The following OLFM2 variants were observed in gnomAD, a reference collection of about 807,000 sequenced individuals.
OLFM2 encodes olfactomedin 2, also known as noelin-2.
In OLFM2, 20 loss-of-function variants were observed where a neutral mutation model predicts 43.9. That is an observed-to-expected ratio of 0.46 (90% CI 0.32 to 0.66). The LOEUF (loss-of-function observed/expected upper bound fraction) is 0.66, where lower values mean the gene tolerates loss of function less well. Among genes scored for constraint, OLFM2 ranks in the 30% least tolerant of loss-of-function variants. The pLI, the probability that OLFM2 is intolerant of heterozygous loss-of-function variation, is 0.04. For synonymous variants in OLFM2, 268 were observed against 278.6 expected (o/e 0.96, Z 0.38); for missense variants, 416 against 643.6 (o/e 0.65, Z 3.83).
intron 1 of OLFM2, among the ~76,000 whole-genome samples, chr19:9,919,425 C>T (rs1193163951): frequency 2.0e-5 from 3 of 151,936 alleles, no homozygotes; most frequent in Non-Finnish European, 1.5e-5. Flanking sequence ...CTCGGCCTCC[C>T]AAAGTGCTGG....
intron 1 of OLFM2, chr19:9,913,404 C>G (rs942846775): frequency 2.3e-6 from 2 of 878,388 alleles, no homozygotes; most frequent in African/African-American, 3.6e-5. Flanking sequence ...GTGGGGGCCC[C>G]GGGGGCTGCG....
At position 9,885,805 on chromosome 19, in the gene OLFM2, A is replaced by G. The variant is rs570582374; in HGVS notation, c.64-25011T>C. Among the ~76,000 whole-genome samples, 536 of 152,120 alleles carry G rather than the reference A, an allele frequency of 3.5e-3. 1 individual carries two copies. The highest frequency in any genetic ancestry group is 0.012 in the African/African-American group (518 of 41,496). Reference sequence around the variant, plus strand: ...CTCACCCCTGCCCTGACTTTCAATTATGTGCTCCACAGTCAGGCACGGTGG... The same window carrying G: ...CTCACCCCTGCCCTGACTTTCAATTGTGTGCTCCACAGTCAGGCACGGTGG... On this transcript the variant is annotated intron_variant, in intron 1 of 5. Coordinates refer to ENST00000264833, the MANE Select transcript of OLFM2 (RefSeq NM_058164.4).
At chr19:9,860,930 G>T in intron 1 of OLFM2, 136 bp from the exon 2 acceptor site, 1 of 857,930 alleles carries the variant, frequency 1.2e-6, no homozygotes, top group Non-Finnish European at 1.7e-6. Context: ...CCTGTTGTGT[G>T]TGATCTCAGG....
At position 9,857,668 on chromosome 19, in the gene OLFM2, A is replaced by T. The variant is rs2046332511; in HGVS notation, c.360+47T>A. 6.2e-7 allele frequency: 1 copy of T among 1,613,570 alleles called. No individual in the cohort carries two copies. The highest frequency in any genetic ancestry group is 1.7e-5 in the Admixed American group (1 of 60,008). On this transcript the variant is annotated intron_variant, in intron 3 of 5. Transcript: ENST00000264833. This position sits in a 1 kb window ranked among gnomAD's most constrained non-coding sequence, Gnocchi z 5.7. Reference sequence around the variant, plus strand: ...CATTGTAGGAACTAATGGATACCAAATCCCAGTCATTTGTTTGACCTCTGG... The same window carrying T: ...CATTGTAGGAACTAATGGATACCAATTCCCAGTCATTTGTTTGACCTCTGG...
chr19:9,905,759 T>G (rs1042584457), intron 1 of OLFM2, among the ~76,000 whole-genome samples: 3 of 152,128 alleles, frequency 2.0e-5, no homozygotes, highest in Non-Finnish European at 4.4e-5. Flanking sequence ...CAGGAGCCCC[T>G]GCCAAAAACC....
Position 9,854,278 on chromosome 19 carries a change from G to T in OLFM2, c.1273C>A (p.Arg425=), listed in dbSNP as rs1208468755. The change falls in exon 6 of 6, where the codon CGG becomes AGG. Residue 425 remains arginine (R), a synonymous_variant. Transcript: ENST00000264833. This position sits in a 1 kb window ranked among gnomAD's most constrained non-coding sequence, Gnocchi z 9.5. ...SHISMLDYNP[R]ERALYTWNNG... is the part of the protein sequence containing the mutation. Reference sequence around the variant, plus strand: ...TTCCAGGTATAGAGGGCGCGCTCCCGGGGGTTGTAATCCAGCATCGAGATG... The same window carrying T: ...TTCCAGGTATAGAGGGCGCGCTCCCTGGGGTTGTAATCCAGCATCGAGATG... The T allele has an allele frequency of 1.9e-6, 3 of 1,613,950 alleles. No individual in the cohort carries two copies. Among genetic ancestry groups the T allele is most frequent in the African/African-American group, 1.3e-5 (1 of 74,916 alleles).
intron 1 of OLFM2, among the ~76,000 whole-genome samples, chr19:9,874,901 A>C (rs1276266921): frequency 6.6e-6 from 1 of 152,218 alleles, no homozygotes; most frequent in Non-Finnish European, 1.5e-5. Flanking sequence ...GGCATGAGAC[A>C]CTGCACCCGT....
At chr19:9,919,718 G>C (rs546895222) in intron 1 of OLFM2, among the ~76,000 whole-genome samples, 33 of 150,816 alleles carry the variant, frequency 2.2e-4, no homozygotes, top group African/African-American at 8.1e-4. Context: ...CTGACCTCAG[G>C]TGATCCTCCT....
chr19:9,895,315 C>T (rs1055673984), intron 1 of OLFM2, among the ~76,000 whole-genome samples: 5 of 151,878 alleles, frequency 3.3e-5, no homozygotes, highest in Non-Finnish European at 7.4e-5. Context: ...TACTAGGACC[C>T]TAACTGTACC....
At chr19:9,871,269 T>TAA (rs34413780) in intron 1 of OLFM2, among the ~76,000 whole-genome samples, 44 of 144,920 alleles carry the variant, frequency 3.0e-4, no homozygotes, top group East Asian at 2.9e-3. Flanking sequence ...AGATCCTGTC[T>TAA]AAAAAAAAAA....
At chr19:9,933,388 C>T (rs2086495732) in intron 1 of OLFM2, among the ~76,000 whole-genome samples, 1 of 151,600 alleles carries the variant, frequency 6.6e-6, no homozygotes, top group Admixed American at 6.6e-5. Context: ...AGGTGTGCAA[C>T]ACCACACCTG....
chr19:9,864,053 G>T (rs752932653), intron 1 of OLFM2, among the ~76,000 whole-genome samples: 5 of 152,226 alleles, frequency 3.3e-5, no homozygotes, highest in Non-Finnish European at 7.3e-5. Context: ...ATTGGCCACA[G>T]CCAAGAGCTT....
At chr19:9,894,897 T>A (rs1051303116) in intron 1 of OLFM2, among the ~76,000 whole-genome samples, 4 of 152,056 alleles carry the variant, frequency 2.6e-5, no homozygotes, top group Admixed American at 2.6e-4. Flanking sequence ...ATATTCATCA[T>A]CTGACTCCTT....
Position 9,931,722 on chromosome 19 carries a change from A to T in OLFM2, c.63+4582T>A, listed in dbSNP as rs78356581. Among the ~76,000 whole-genome samples the T allele has an allele frequency of 2.8e-4, 43 of 151,676 alleles. No homozygotes were observed. The South Asian group carries it at 3.1e-3, about 11-fold the overall frequency. ...AGACTCCATCTCAAAAATAAAAAAA[A>T]AAAAAGAAATAAAAAGAAAAAGTTA... is the stretch of plus-strand genomic sequence containing the variant. On this transcript the variant is annotated intron_variant, in intron 1 of 5. Transcript: ENST00000264833.
At chr19:9,901,120 A>G (rs894162122) in intron 1 of OLFM2, among the ~76,000 whole-genome samples, 3 of 147,988 alleles carry the variant, frequency 2.0e-5, no homozygotes, top group African/African-American at 5.0e-5. Flanking sequence ...AAGGAAGGAA[A>G]GAAAGAAAAA....
At chr19:9,862,778 C>T (rs147969766) in intron 1 of OLFM2, among the ~76,000 whole-genome samples, 2,039 of 152,090 alleles carry the variant, frequency 0.013, 41 homozygotes, top group African/African-American at 0.047. Context: ...AGTTCCAGAC[C>T]AGCTTAGCCA....
chr19:9,919,981 T>G (rs1320946808), intron 1 of OLFM2, among the ~76,000 whole-genome samples: 1 of 150,676 alleles, frequency 6.6e-6, no homozygotes, highest in African/African-American at 2.4e-5. Flanking sequence ...TTTTTTTTTT[T>G]TTTAGTAGAG....
intron 1 of OLFM2, 27 bp from the exon 2 acceptor site, chr19:9,860,821 G>A (rs369292903): frequency 5.3e-5 from 84 of 1,588,982 alleles, no homozygotes; most frequent in South Asian, 1.8e-4. Flanking sequence ...GTCAGAGACC[G>A]GAATCCCAGT....
chr19:9,917,752 C>A (rs1174874277), intron 1 of OLFM2, among the ~76,000 whole-genome samples: 1 of 151,252 alleles, frequency 6.6e-6, no homozygotes, highest in South Asian at 2.1e-4. Context: ...CTCTGAAACA[C>A]GTAGTTTGTT....
Sources: gnomAD v4.1 joint callset for allele counts (sites outside exome capture counted in the v4.1 genomes callset) on GRCh38, gnomAD v4.1.1 for gene constraint, Gnocchi (gnomAD v3.1) non-coding constraint, MANE v1.5 for transcripts, NCBI Gene and HGNC (gene_info 2026-07-23, HGNC 2026-07-21) for gene names.